Variants in NUP58 observed in about 807,000 individuals in gnomAD.
NUP58 encodes the protein nucleoporin 58.
NUP58 carries 17 observed loss-of-function variants against 70.1 expected under a neutral mutation model. The ratio of observed to expected loss-of-function variants is 0.24; its 90% CI spans 0.17 to 0.36. The LOEUF is 0.36. Ranked by LOEUF, NUP58 falls within the 10% of genes least tolerant of loss-of-function variation. NUP58 has a pLI of 1.00. For missense variants in NUP58, 644 were observed against 701.5 expected (o/e 0.92, Z 0.93); for synonymous variants, 275 against 257.6 (o/e 1.07, Z -0.65).
rs565312656 is a variant in NUP58, at chr13:25,312,972, A to C, written c.376A>C (p.Ile126Leu). The C allele has an allele frequency of 3.7e-6, 6 of 1,614,170 alleles. No homozygotes were observed. In the African/African-American group the frequency reaches 8.0e-5, roughly 22 times the overall value. Reference sequence around the variant, plus strand: ...ATCTGCCACACCATTTGCTCTACCTATTACCTCTACCTCAGCTAGCGGTCT... The same window carrying C: ...ATCTGCCACACCATTTGCTCTACCTCTTACCTCTACCTCAGCTAGCGGTCT... ...AASATPFALP[I>L]TSTSASGLTL... Residue 126 changes from isoleucine to leucine, a missense_variant, in exon 4 of 16, where the codon ATT (isoleucine) becomes CTT (leucine). Around this residue, in one of 4 missense-constraint regions of NUP58, gnomAD observed 430 missense variants for 409.2 expected, o/e 1.05. Coordinates refer to ENST00000381736, the MANE Select transcript of NUP58 (RefSeq NM_014089.4).
At chr13:25,325,220 A>G (rs1480632279) in intron 10 of NUP58, 152 bp downstream of exon 10, 2 of 593,468 alleles carry the variant, frequency 3.4e-6, no homozygotes, top group Non-Finnish European at 5.8e-6. Flanking sequence ...TAATAACCCT[A>G]AAAAGGTTTA....
intron 14 of NUP58, among the ~76,000 whole-genome samples, chr13:25,337,586 C>T (rs532044623): frequency 1.3e-5 from 2 of 152,226 alleles, no homozygotes; most frequent in East Asian, 3.9e-4. Flanking sequence ...AAGTCCTCTG[C>T]AAAAACATCA....
chr13:25,320,768 G>A (rs1175244232), intron 8 of NUP58, 151 bp from the exon 9 acceptor site: 3 of 723,196 alleles, frequency 4.1e-6, no homozygotes, highest in Non-Finnish European at 6.6e-6. Context: ...AATTAAAATT[G>A]TATAACTTCC....
chr13:25,308,167 A>G, intron 2 of NUP58: 1 of 407,168 alleles, frequency 2.5e-6, no homozygotes. Flanking sequence ...AAAACATACA[A>G]ATATTAATTT....
chr13:25,317,941 G>T (rs1437160040), intron 6 of NUP58: 8 of 143,040 alleles, frequency 5.6e-5, no homozygotes, highest in Non-Finnish European at 8.9e-5. Context: ...TTACCTCACT[G>T]CAACCTCCAC....
chr13:25,347,209 T>C (rs949213953), downstream of NUP58, among the ~76,000 whole-genome samples: 8 of 152,302 alleles, frequency 5.3e-5, no homozygotes, highest in African/African-American at 7.2e-5. Flanking sequence ...GTTTCAGATT[T>C]TGGAGCATTT....
intron 9 of NUP58, 78 bp from the exon 10 acceptor site, chr13:25,324,911 T>A: frequency 3.2e-6 from 3 of 934,594 alleles, no homozygotes; most frequent in Non-Finnish European, 5.0e-6. Context: ...AGAGACTGAA[T>A]ATTTTTTTTC....
At chr13:25,325,260 A>G (rs1020810686) in intron 10 of NUP58, among the ~76,000 whole-genome samples, 192 bp downstream of exon 10, 4 of 152,214 alleles carry the variant, frequency 2.6e-5, no homozygotes, top group Non-Finnish European at 5.9e-5. Context: ...ACTGCAGGGT[A>G]AGTGAAGGCT....
At position 25,334,850 on chromosome 13, in the gene NUP58, A is replaced by G. The variant is rs1460234254; in HGVS notation, c.1436-2086A>G. 7.1e-6 allele frequency: 7 copies of G among 984,458 alleles called. No homozygotes were observed. In the East Asian group the frequency reaches 3.4e-4, roughly 48 times the overall value. 61.0% of individuals were successfully genotyped at this position (984,458 alleles called of 1,614,324 possible). A position where few individuals can be genotyped will look rare whatever the true frequency, so the allele number is the denominator to read the frequency against. On this transcript the variant is annotated intron_variant, in intron 13 of 15. Coordinates refer to ENST00000381736, the MANE Select transcript of NUP58 (RefSeq NM_014089.4). ...TAACTTTTGTAAAATGTTACTCTACATGAAGATTTCACTTTGGCCAGTCAT... is the reference window on the plus strand; with the variant it reads ...TAACTTTTGTAAAATGTTACTCTACGTGAAGATTTCACTTTGGCCAGTCAT...
Position 25,308,469 on chromosome 13 carries a change from A to AT in NUP58, c.250+540dup, listed in dbSNP as rs35470592. ...ACGTGTGCACCACCACGCCTGGCTAATTTTTTTTTTTTTTTTTTTACTTTT... is the reference window on the plus strand; with the variant it reads ...ACGTGTGCACCACCACGCCTGGCTAATTTTTTTTTTTTTTTTTTTTACTTTT... On this transcript the variant is annotated intron_variant, in intron 2 of 15. Coordinates refer to ENST00000381736, the MANE Select transcript of NUP58 (RefSeq NM_014089.4). Among the ~76,000 whole-genome samples the AT allele has an allele frequency of 4.2e-3, 575 of 137,814 alleles. 3 individuals are homozygous for AT. Among genetic ancestry groups the AT allele is most frequent in the African/African-American group, 0.013 (484 of 37,518 alleles). The allele number at this position is 137,814 out of a possible 152,430, so 90.4% of individuals were successfully genotyped here.
At chr13:25,323,995 A>G (rs923548795) in intron 9 of NUP58, among the ~76,000 whole-genome samples, 1 of 152,132 alleles carries the variant, frequency 6.6e-6, no homozygotes, top group African/African-American at 2.4e-5. Context: ...CTTTACATTG[A>G]GTCTTGAAAA....
chr13:25,321,921 AAAATAC>A (rs1339259598), intron 9 of NUP58, among the ~76,000 whole-genome samples: 1 of 152,194 alleles, frequency 6.6e-6, no homozygotes, highest in Non-Finnish European at 1.5e-5. Context: ...CCGTCTCAAA[AAAATAC>A]AAATAAAAAT....
At chr13:25,318,098 G>A (rs1245640398) in intron 6 of NUP58, among the ~76,000 whole-genome samples, 2 of 151,978 alleles carry the variant, frequency 1.3e-5, no homozygotes, top group African/African-American at 4.8e-5. Context: ...GGGAGGCCGG[G>A]GCAGGTGGGT....
At chr13:25,310,206 ATTTTT>A (rs796547133) in intron 3 of NUP58, among the ~76,000 whole-genome samples, 1,530 of 47,440 alleles carry the variant, frequency 0.032, 38 homozygotes, top group African/African-American at 0.092. Context: ...CCCTTGGCTA[ATTTTT>A]TTTTTTTTTT....
At chr13:25,329,370 A>C (rs1160035448) in intron 12 of NUP58, among the ~76,000 whole-genome samples, 2 of 152,122 alleles carry the variant, frequency 1.3e-5, no homozygotes, top group Non-Finnish European at 2.9e-5. Context: ...GTGTAAACGT[A>C]CATTTTTTTT....
At chr13:25,344,800 T>C (rs2032029670), downstream of NUP58, among the ~76,000 whole-genome samples, 1 of 152,212 alleles carries the variant, frequency 6.6e-6, no homozygotes, top group Non-Finnish European at 1.5e-5. Flanking sequence ...TATCCTGTAG[T>C]AGGTATGAGG....
Position 25,309,361 on chromosome 13 carries a change from T to G in NUP58, c.286+79T>G. ...AAATTGAGTGATCTTTCTACTCTTCTCTCTTCTAATATTTCACAGAGCTGG... is the reference window on the plus strand; with the variant it reads ...AAATTGAGTGATCTTTCTACTCTTCGCTCTTCTAATATTTCACAGAGCTGG... On this transcript the variant is annotated intron_variant, in intron 3 of 15. Transcript: ENST00000381736. 3 of 1,080,308 alleles carry G rather than the reference T, an allele frequency of 2.8e-6. No homozygotes were observed. The East Asian group carries it at 7.3e-5, about 26-fold the overall frequency. 66.9% of individuals were successfully genotyped at this position (1,080,308 alleles called of 1,614,324 possible).
intron 1 of NUP58, among the ~76,000 whole-genome samples, chr13:25,303,355 AACAC>A (rs2030129547): frequency 2.0e-5 from 3 of 152,148 alleles, no homozygotes; most frequent in Admixed American, 2.0e-4. Context: ...GTTAAAAACA[AACAC>A]ACAACTACCA....
downstream of NUP58, among the ~76,000 whole-genome samples, chr13:25,343,729 T>G (rs1312862203): frequency 6.6e-6 from 1 of 151,406 alleles, no homozygotes; most frequent in Non-Finnish European, 1.5e-5. Flanking sequence ...AGTGCTGAGA[T>G]TATAGGCGTG....
Sources: allele counts gnomAD v4.1 joint callset (sites outside exome capture counted in the v4.1 genomes callset), GRCh38; gene constraint gnomAD v4.1.1; regional missense constraint gnomAD v4.1.1; transcripts MANE v1.5; gene names NCBI Gene and HGNC (gene_info 2026-07-23, HGNC 2026-07-21).